Variants in ZNF71 observed in about 807,000 individuals in gnomAD.
The protein encoded by ZNF71 is zinc finger protein 71, also known as endothelial zinc finger protein induced by tumor necrosis factor alpha.
A neutral mutation model predicts 6.7 loss-of-function variants in ZNF71; 3 were observed. The ratio of observed to expected loss-of-function variants is 0.45; its 90% CI spans 0.20 to 1.16. ZNF71 has a LOEUF of 1.16. ZNF71 is among the 50% of genes most tolerant of loss of function. The probability of loss-of-function intolerance (pLI) is 0.25; values close to 1 mark genes in which losing one functional copy is unlikely to be tolerated. For synonymous variants in ZNF71, 343 were observed against 311.1 expected (o/e 1.10, Z -1.08); for missense variants, 688 against 728.6 (o/e 0.94, Z 0.64).
chr19:56,614,301 T>C (rs1352834828), intron 3 of ZNF71, among the ~76,000 whole-genome samples: 2 of 152,186 alleles, frequency 1.3e-5, no homozygotes, highest in African/African-American at 4.8e-5. Context: ...GTACTAGCAG[T>C]TTTTGCCCAT....
At position 56,609,758 on chromosome 19, in the gene ZNF71, TATAA is replaced by T. The variant is rs1035661012; in HGVS notation, c.34-4051_34-4048del. ...GATTTTGCCTGTCCCGGACGTTGCA[TATAA>T]ATGAGGCATACGATATGGATTTTGC... On this transcript the variant is annotated intron_variant, in intron 2 of 3. Coordinates refer to ENST00000599599, the MANE Select transcript of ZNF71 (RefSeq NM_001370215.1). 1.2e-4 allele frequency among the ~76,000 whole-genome samples: 18 copies of T among 148,708 alleles called. No individual in the cohort carries two copies. The East Asian group carries it at 3.5e-3, about 29-fold the overall frequency.
chr19:56,622,917 T>G lies in ZNF71; in HGVS notation c.*160T>G. The G allele has an allele frequency of 1.1e-6, 1 of 910,480 alleles. No individual in the cohort carries two copies. Among genetic ancestry groups the G allele is most frequent in the Non-Finnish European group, 1.6e-6 (1 of 608,388 alleles). The allele number at this position is 910,480 out of a possible 1,614,324, so 56.4% of individuals were successfully genotyped here. On this transcript the variant is annotated 3_prime_UTR_variant, in exon 4 of 4. Coordinates refer to ENST00000599599, the MANE Select transcript of ZNF71 (RefSeq NM_001370215.1). ...TGTGGAGGGGCTGGCTGATCACACA[T>G]GCCCCCTCCTTACTGAGCCTCAGAA...
chr19:56,614,884 C>T (rs182908456), intron 3 of ZNF71, among the ~76,000 whole-genome samples: 1 of 152,320 alleles, frequency 6.6e-6, no homozygotes, highest in African/African-American at 2.4e-5. Context: ...CCTCTCTCCC[C>T]TTCCTCAACC....
chr19:56,622,382 G>C lies in ZNF71; in HGVS notation c.1275G>C (p.Lys425Asn), dbSNP rs1386285784. Residue 425 changes from lysine to asparagine, a missense_variant, in exon 4 of 4, where the codon AAG becomes AAC. Transcript: ENST00000599599. ...GCGAGTGCGGCAAGGCCTTCAGCAA[G>C]AACTCCTCGCTCACGCAGCACCAGC... ...ECSECGKAFS[K>N]NSSLTQHQRI... 2.5e-6 allele frequency: 4 copies of C among 1,613,858 alleles called. No individual in the cohort carries two copies. Among genetic ancestry groups the C allele is most frequent in the Non-Finnish European group, 3.4e-6 (4 of 1,179,894 alleles).
At chr19:56,609,632 C>T (rs556424682) in intron 2 of ZNF71, among the ~76,000 whole-genome samples, 1 of 140,322 alleles carries the variant, frequency 7.1e-6, no homozygotes, top group African/African-American at 3.2e-5. Context: ...ATGAGGCATA[C>T]GATATGGATT....
Position 56,622,056 on chromosome 19 carries a change from C to A in ZNF71, c.949C>A (p.Leu317Ile). 6.2e-7 allele frequency: 1 copy of A among 1,613,078 alleles called. No individual in the cohort carries two copies. Among genetic ancestry groups the A allele is most frequent in the South Asian group, 1.1e-5 (1 of 90,940 alleles). Reference sequence around the variant, plus strand: ...CAAGGCCTTCAGCCAGAACATGCACCTCATCGTGCACCAGCGCACGCACAC... The same window carrying A: ...CAAGGCCTTCAGCCAGAACATGCACATCATCGTGCACCAGCGCACGCACAC... ...CGKAFSQNMH[L>I]IVHQRTHTGE... The change falls in exon 4 of 4, where the codon CTC becomes ATC. Residue 317 changes from leucine to isoleucine, a missense_variant. Physicochemically the swap from Leu to Ile is conservative, Grantham distance 5. Coordinates refer to ENST00000599599, the MANE Select transcript of ZNF71 (RefSeq NM_001370215.1).
Position 56,622,868 on chromosome 19 carries a change from CA to C in ZNF71, c.*112del. On this transcript the variant is annotated 3_prime_UTR_variant, in exon 4 of 4. Transcript: ENST00000599599. Reference sequence around the variant, plus strand: ...CTCCCCTGGGGTGGGGACTCGGGGTCAGGGGAGCTCAGGAATGTGGGGTTGT... The same window carrying C: ...CTCCCCTGGGGTGGGGACTCGGGGTCGGGGAGCTCAGGAATGTGGGGTTGT... The C allele has an allele frequency of 7.3e-7, 1 of 1,368,820 alleles. No homozygotes were observed. Among genetic ancestry groups the C allele is most frequent in the Non-Finnish European group, 9.8e-7 (1 of 1,018,308 alleles). 84.8% of individuals were successfully genotyped at this position (1,368,820 alleles called of 1,614,324 possible). A position where few individuals can be genotyped will look rare whatever the true frequency, so the allele number is the denominator to read the frequency against.
chr19:56,613,832 T>C lies in ZNF71; in HGVS notation c.54T>C (p.Asp18=). The stretch of plus-strand genomic sequence containing the variant: ...TACAGGAATCAGTGACGTTCAGGGA[T>C]GTGACTGTGGACTTCACCCAGGAGG... ...DEALESVTFR[D]VTVDFTQEEW... The change falls in exon 3 of 4, where the codon GAT becomes GAC. Residue 18 remains aspartate, a synonymous_variant. Coordinates refer to ENST00000599599, the MANE Select transcript of ZNF71 (RefSeq NM_001370215.1). The surrounding 1 kb of genome is among the most constrained non-coding windows in gnomAD (Gnocchi z 4.6). 2 of 1,121,436 alleles carry C rather than the reference T, an allele frequency of 1.8e-6. No individual in the cohort carries two copies. Among genetic ancestry groups the C allele is most frequent in the South Asian group, 2.8e-5 (1 of 36,052 alleles). The allele number at this position is 1,121,436 out of a possible 1,614,324, so 69.5% of individuals were successfully genotyped here.
intron 1 of ZNF71, among the ~76,000 whole-genome samples, chr19:56,600,927 A>C (rs899901429): frequency 6.6e-6 from 1 of 152,086 alleles, no homozygotes; most frequent in Non-Finnish European, 1.5e-5. Flanking sequence ...GTTGAACCTC[A>C]TGGTAACCCC....
At chr19:56,599,972 C>T (rs1018251156) in intron 1 of ZNF71, among the ~76,000 whole-genome samples, 6 of 151,928 alleles carry the variant, frequency 3.9e-5, no homozygotes, top group Admixed American at 6.6e-5. Flanking sequence ...TGAGCCACTG[C>T]GCCCGGCCAG....
At position 56,598,469 on chromosome 19, in the gene ZNF71, C is replaced by T. The variant is rs967533873; in HGVS notation, c.-52-3038C>T. Among the ~76,000 whole-genome samples, 8 of 152,294 alleles carry T rather than the reference C, an allele frequency of 5.3e-5. No individual in the cohort carries two copies. The highest frequency in any genetic ancestry group is 1.9e-4 in the African/African-American group (8 of 41,558). On this transcript the variant is annotated intron_variant, in intron 1 of 3. Transcript: ENST00000599599. The surrounding 1 kb of genome is among the most constrained non-coding windows in gnomAD (Gnocchi z 4.2). ...AGTTTTAGCCCAGAGGACATTTTCA[C>T]TGAGTGATTACAGTTGGCCAGGTGT...
At position 56,622,970 on chromosome 19, in the gene ZNF71, T is replaced by A; in HGVS notation, c.*213T>A. On this transcript the variant is annotated 3_prime_UTR_variant, in exon 4 of 4. Transcript: ENST00000599599. Reference sequence around the variant, plus strand: ...CAAGCCCCTCGGTGTCTGACGTATCTGGGGACACTTCAAGGTTCACTGTAG... The same window carrying A: ...CAAGCCCCTCGGTGTCTGACGTATCAGGGGACACTTCAAGGTTCACTGTAG... The A allele has an allele frequency of 1.5e-6, 1 of 648,028 alleles. No homozygotes were observed. Among genetic ancestry groups the A allele is most frequent in the Non-Finnish European group, 2.7e-6 (1 of 374,112 alleles). 40.1% of individuals were successfully genotyped at this position (648,028 alleles called of 1,614,324 possible). A position where few individuals can be genotyped will look rare whatever the true frequency, so the allele number is the denominator to read the frequency against.
In ZNF71 at chr19:56,598,247, A is replaced by G. The variant is rs10415139; in HGVS notation, c.-53+2819A>G. On this transcript the variant is annotated intron_variant, in intron 1 of 3. Coordinates refer to ENST00000599599, the MANE Select transcript of ZNF71 (RefSeq NM_001370215.1). The surrounding 1 kb of genome is among the most constrained non-coding windows in gnomAD (Gnocchi z 4.2). ...TTGGAGCTGACCAGGAAGCAGGGGT[A>G]GTCATGGGAAGAGCATTCCCTCCAG... Among the ~76,000 whole-genome samples the G allele has an allele frequency of 0.4, 59,997 of 151,842 alleles. 12,860 individuals are homozygous for G. Among genetic ancestry groups the G allele is most frequent in the South Asian group, 0.54 (2,588 of 4,794 alleles).
chr19:56,612,312 A>G (rs995302900), intron 2 of ZNF71, among the ~76,000 whole-genome samples: 1 of 152,196 alleles, frequency 6.6e-6, no homozygotes, highest in Non-Finnish European at 1.5e-5. Flanking sequence ...CCATCAACCA[A>G]TGAATAAGGA....
intron 2 of ZNF71, among the ~76,000 whole-genome samples, chr19:56,611,665 G>T (rs1265966658): frequency 2.0e-5 from 3 of 152,344 alleles, no homozygotes; most frequent in African/African-American, 7.2e-5. Flanking sequence ...TCGTAGGTCT[G>T]TTTTAAGTTA....
Position 56,623,106 on chromosome 19 carries a change from C to A in ZNF71, c.*349C>A. On this transcript the variant is annotated 3_prime_UTR_variant, in exon 4 of 4. Coordinates refer to ENST00000599599, the MANE Select transcript of ZNF71 (RefSeq NM_001370215.1). ...TGCCTCCACATCTCTGTTTCTTCAG[C>A]GGGAAAGTGGAGCTGGTGGAGGGGA... is the stretch of plus-strand genomic sequence containing the variant. 3.7e-6 allele frequency: 1 copy of A among 270,368 alleles called. No individual in the cohort carries two copies. The highest frequency in any genetic ancestry group is 1.0e-4 in the South Asian group (1 of 9,698). The allele number at this position is 270,368 out of a possible 1,614,324, so 16.7% of individuals were successfully genotyped here.
chr19:56,622,443 A>G lies in ZNF71; in HGVS notation c.1336A>G (p.Ile446Val). 2 of 1,605,242 alleles carry G rather than the reference A, an allele frequency of 1.2e-6. No individual in the cohort carries two copies. The highest frequency in any genetic ancestry group is 1.7e-6 in the Non-Finnish European group (2 of 1,177,244). Reference protein sequence around the residue: ...HTGEKPYECYICKKHFTGRSS... With the variant: ...HTGEKPYECYVCKKHFTGRSS... Reference sequence around the variant, plus strand: ...CGGCGAGAAGCCCTACGAGTGCTACATCTGCAAGAAGCACTTCACGGGGCG... The same window carrying G: ...CGGCGAGAAGCCCTACGAGTGCTACGTCTGCAAGAAGCACTTCACGGGGCG... The change falls in exon 4 of 4, where the codon ATC (isoleucine) becomes GTC (valine). Residue 446 changes from isoleucine (I) to valine (V), a missense_variant. Physicochemically the swap from Ile to Val is conservative, Grantham distance 29. Transcript: ENST00000599599.
At chr19:56,600,538 C>A (rs10422682) in intron 1 of ZNF71, among the ~76,000 whole-genome samples, 19,464 of 46,338 alleles carry the variant, frequency 0.42, 4,128 homozygotes, top group East Asian at 0.99. Context: ...CCCACATTCC[C>A]CCCACCCTTC....
At chr19:56,605,054 A>G (rs1600586542) in intron 2 of ZNF71, among the ~76,000 whole-genome samples, 2 of 152,226 alleles carry the variant, frequency 1.3e-5, no homozygotes, top group East Asian at 3.8e-4. Flanking sequence ...TGCTGTTTAA[A>G]GAGAAACTAG....
Sources: gnomAD v4.1 joint callset for allele counts (sites outside exome capture counted in the v4.1 genomes callset) on GRCh38, gnomAD v4.1.1 for gene constraint, Gnocchi (gnomAD v3.1) non-coding constraint, MANE v1.5 for transcripts, NCBI Gene and HGNC (gene_info 2026-07-23, HGNC 2026-07-21) for gene names.